The following STXBP5L variants were observed in gnomAD, a reference collection of about 807,000 sequenced individuals.
The protein encoded by STXBP5L is syntaxin-binding protein 5-like.
Under a neutral mutation model 144.5 loss-of-function variants are expected in STXBP5L, and 65 were observed. The ratio of observed to expected loss-of-function variants is 0.45; its 90% CI spans 0.37 to 0.55. STXBP5L has a LOEUF of 0.55. STXBP5L is among the 20% of genes least tolerant of loss of function. The pLI is 0.00. For missense variants in STXBP5L, 1,298 were observed against 1,405.5 expected (o/e 0.92, Z 1.22); for synonymous variants, 505 against 469.6 (o/e 1.08, Z -0.97).
At chr3:121,159,798 T>G (rs1394985600) in intron 9 of STXBP5L, among the ~76,000 whole-genome samples, 1 of 151,146 alleles carries the variant, frequency 6.6e-6, no homozygotes, top group Non-Finnish European at 1.5e-5. Context: ...CCCGGCTAAT[T>G]TTTTTTTGTA....
intron 19 of STXBP5L, among the ~76,000 whole-genome samples, chr3:121,315,367 C>G (rs1461864757): frequency 6.6e-6 from 1 of 151,538 alleles, no homozygotes; most frequent in Non-Finnish European, 1.5e-5. Flanking sequence ...CCATCATTCT[C>G]AGCAAACTAT....
intron 9 of STXBP5L, among the ~76,000 whole-genome samples, chr3:121,186,689 G>A (rs1030890494): frequency 4.0e-4 from 61 of 151,970 alleles, no homozygotes; most frequent in Non-Finnish European, 7.1e-4. Context: ...TGCTGGATTC[G>A]GTTTGCCAGT....
intron 5 of STXBP5L, among the ~76,000 whole-genome samples, chr3:121,102,374 A>C (rs56106401): frequency 0.21 from 32,461 of 152,052 alleles, 3,695 homozygotes; most frequent in Non-Finnish European, 0.26. Flanking sequence ...AGATAGACCA[A>C]TGGAACAGAA....
At chr3:121,131,629 T>C (rs939402112) in intron 7 of STXBP5L, among the ~76,000 whole-genome samples, 3 of 152,174 alleles carry the variant, frequency 2.0e-5, no homozygotes, top group Non-Finnish European at 4.4e-5. Flanking sequence ...GTTCTGAGTA[T>C]AGTTTCAAAA....
chr3:121,194,327 T>C lies in STXBP5L; in HGVS notation c.878-11596T>C, dbSNP rs58338355. 7.1e-3 allele frequency among the ~76,000 whole-genome samples: 1,075 copies of C among 152,314 alleles called. 8 individuals are homozygous for C. The highest frequency in any genetic ancestry group is 0.025 in the African/African-American group (1,036 of 41,558). On this transcript the variant is annotated intron_variant, in intron 9 of 26. Transcript: ENST00000471454. ...ACTGGCTTTTTTCTCTTAACAAAATTCTTTCACGATTCATTCATGTCGTAT... is the reference window on the plus strand; with the variant it reads ...ACTGGCTTTTTTCTCTTAACAAAATCCTTTCACGATTCATTCATGTCGTAT...
At chr3:121,282,084 T>G (rs902110904) in intron 19 of STXBP5L, among the ~76,000 whole-genome samples, 1 of 151,830 alleles carries the variant, frequency 6.6e-6, no homozygotes, top group South Asian at 2.1e-4. Flanking sequence ...ATCTATCGCC[T>G]CTTACTTTAT....
intron 20 of STXBP5L, among the ~76,000 whole-genome samples, chr3:121,369,196 A>G (rs1413036350): frequency 6.6e-6 from 1 of 152,150 alleles, no homozygotes; most frequent in African/African-American, 2.4e-5. Flanking sequence ...ATTAGCTGCA[A>G]TTTACCATCT....
chr3:121,128,773 T>A (rs2044835418), intron 7 of STXBP5L, among the ~76,000 whole-genome samples: 1 of 151,836 alleles, frequency 6.6e-6, no homozygotes, highest in African/African-American at 2.4e-5. Context: ...CAGAAAAAAA[T>A]TAAGAGTAGT....
At chr3:121,032,321 A>G (rs911740741) in intron 3 of STXBP5L, among the ~76,000 whole-genome samples, 2 of 152,086 alleles carry the variant, frequency 1.3e-5, no homozygotes, top group South Asian at 2.1e-4. Context: ...ATCATGAAGA[A>G]AGGTTTGATT....
intron 7 of STXBP5L, among the ~76,000 whole-genome samples, chr3:121,131,991 T>A (rs1241955632): frequency 6.6e-6 from 1 of 152,096 alleles, no homozygotes; most frequent in Non-Finnish European, 1.5e-5. Flanking sequence ...CAAGGAGAGA[T>A]TTCCTAGGTT....
chr3:121,115,096 A>G, intron 6 of STXBP5L, 37 bp downstream of exon 6: 1 of 1,580,484 alleles, frequency 6.3e-7, no homozygotes, highest in Non-Finnish European at 8.6e-7. Flanking sequence ...ATTGGCTTAA[A>G]TACTTCATAC....
chr3:120,981,591 T>C (rs1334033569), intron 3 of STXBP5L, among the ~76,000 whole-genome samples: 2 of 152,210 alleles, frequency 1.3e-5, no homozygotes, highest in Non-Finnish European at 2.9e-5. Flanking sequence ...GAATTGTTTT[T>C]TCTGATTACT....
At chr3:121,354,288 G>T (rs2045417956) in intron 20 of STXBP5L, among the ~76,000 whole-genome samples, 1 of 152,090 alleles carries the variant, frequency 6.6e-6, no homozygotes, top group Non-Finnish European at 1.5e-5. Flanking sequence ...GGGTGTTAAA[G>T]TCTCCCATTA....
intron 3 of STXBP5L, among the ~76,000 whole-genome samples, chr3:121,005,265 C>G (rs945997099): frequency 6.6e-6 from 1 of 152,088 alleles, no homozygotes; most frequent in Admixed American, 6.6e-5. Flanking sequence ...CAACTTCTTC[C>G]TTATTTAGTC....
chr3:121,053,378 T>C (rs1169477619), intron 5 of STXBP5L, among the ~76,000 whole-genome samples: 1 of 152,160 alleles, frequency 6.6e-6, no homozygotes. Flanking sequence ...AGCATGGTAC[T>C]GGTACCAAAA....
intron 5 of STXBP5L, among the ~76,000 whole-genome samples, chr3:121,067,607 T>C (rs1041207325): frequency 1.4e-4 from 21 of 152,316 alleles, no homozygotes; most frequent in African/African-American, 4.8e-4. Flanking sequence ...CAATGTACTA[T>C]ATATGTAAAT....
intron 3 of STXBP5L, among the ~76,000 whole-genome samples, chr3:120,996,110 A>G (rs745705329): frequency 5.3e-5 from 8 of 152,276 alleles, no homozygotes; most frequent in Admixed American, 3.9e-4. Flanking sequence ...GAAGAGAGAC[A>G]TGCTATCATT....
chr3:121,024,009 T>C (rs1945747651), intron 3 of STXBP5L, among the ~76,000 whole-genome samples: 1 of 152,006 alleles, frequency 6.6e-6, no homozygotes, highest in Non-Finnish European at 1.5e-5. Context: ...ACGCCCGCCT[T>C]GGCCTCCCAA....
chr3:121,257,018 C>A, intron 16 of STXBP5L, 143 bp from the exon 17 acceptor site: 1 of 578,486 alleles, frequency 1.7e-6, no homozygotes, highest in Non-Finnish European at 2.9e-6. Context: ...TAGTATTGAA[C>A]TTATTAATTT....
Sources: gnomAD v4.1 joint callset for allele counts (sites outside exome capture counted in the v4.1 genomes callset) on GRCh38, gnomAD v4.1.1 for gene constraint, MANE v1.5 for transcripts, NCBI Gene and HGNC (gene_info 2026-07-23, HGNC 2026-07-21) for gene names.